CDON: variants seen among roughly 807,000 people sequenced by gnomAD.
CDON encodes the protein cell adhesion molecule-related/down-regulated by oncogenes.
Under a neutral mutation model 120.9 loss-of-function variants are expected in CDON, and 73 were observed. The observed-to-expected ratio is 0.60, with a 90% CI of 0.50 to 0.73. The LOEUF is 0.73. Among genes scored for constraint, CDON ranks in the 30% least tolerant of loss-of-function variants. CDON has a pLI of 0.00. For missense variants in CDON, 1,470 were observed against 1,587.3 expected, an observed-to-expected ratio of 0.93 and a Z score of 1.26; for synonymous variants, 566 against 573.5, an observed-to-expected ratio of 0.99 and a Z score of 0.19.
chr11:126,035,221 T>C (rs1948062649), intron 1 of CDON, among the ~76,000 whole-genome samples: 1 of 152,176 alleles, frequency 6.6e-6, no homozygotes, highest in Non-Finnish European at 1.5e-5. Flanking sequence ...TATTCAAATA[T>C]ACACAGTCAA....
intron 8 of CDON, 103 bp downstream of exon 8, chr11:126,010,238 A>G: frequency 2.4e-6 from 2 of 839,654 alleles, no homozygotes; most frequent in South Asian, 1.6e-5. Flanking sequence ...GAAAAAATAT[A>G]GAGAGATTGC....
Position 125,960,874 on chromosome 11 carries a change from T to G in CDON, c.*68A>C. On this transcript the variant is annotated 3_prime_UTR_variant, in exon 20 of 20. Transcript: ENST00000531738. ...TTTGAATTAAGGTCCTTCACACAGT[T>G]CGCTCCCAGGCCTGTTGTGTGCAGT... is the stretch of plus-strand genomic sequence containing the variant. The G allele has an allele frequency of 7.0e-7, 1 of 1,423,730 alleles. No homozygotes were observed. Among genetic ancestry groups the G allele is most frequent in the Non-Finnish European group, 9.9e-7 (1 of 1,007,850 alleles). The allele number at this position is 1,423,730 out of a possible 1,614,324, so 88.2% of individuals were successfully genotyped here.
intron 2 of CDON, among the ~76,000 whole-genome samples, chr11:126,022,101 CAAAAAAAA>C (rs56788784): frequency 2.3e-4 from 13 of 56,554 alleles, no homozygotes; most frequent in South Asian, 1.5e-3. Flanking sequence ...GACCCTGCTT[CAAAAAAAA>C]AAAAAAAAAA....
intron 8 of CDON, among the ~76,000 whole-genome samples, chr11:126,009,254 T>C (rs537472053): frequency 1.6e-4 from 25 of 152,322 alleles, no homozygotes; most frequent in African/African-American, 6.0e-4. Flanking sequence ...AGCAAGGGCG[T>C]CCTTGTTTGC....
At chr11:125,974,530 A>G (rs1439479804) in intron 18 of CDON, among the ~76,000 whole-genome samples, 2 of 152,108 alleles carry the variant, frequency 1.3e-5, no homozygotes, top group Admixed American at 6.6e-5. Flanking sequence ...AAAAATAACA[A>G]AAGATATGAT....
chr11:125,980,358 T>A (rs1946262526), intron 17 of CDON, among the ~76,000 whole-genome samples: 1 of 152,116 alleles, frequency 6.6e-6, no homozygotes, highest in Non-Finnish European at 1.5e-5. Context: ...GTAAAAAGCT[T>A]ACCAGCCACA....
intron 1 of CDON, among the ~76,000 whole-genome samples, chr11:126,050,355 T>C (rs1948524274): frequency 6.6e-6 from 1 of 152,042 alleles, no homozygotes; most frequent in South Asian, 2.1e-4. Context: ...TTCTCCAACA[T>C]GCGAAAGAGG....
rs547659025 is a variant in CDON at position 126,025,852 on chromosome 11, T to C, written c.-61-2315A>G. Among the ~76,000 whole-genome samples the C allele has an allele frequency of 1.9e-4, 29 of 152,146 alleles. 1 individual carries two copies. The highest frequency in any genetic ancestry group is 2.1e-4 in the South Asian group (1 of 4,826). ...ATACCATATATTCAAGTAGGAGAGA[T>C]AGACAATATAAAAGATAAATAAAAC... On this transcript the variant is annotated intron_variant, in intron 1 of 19. Coordinates refer to ENST00000531738, the MANE Select transcript of CDON (RefSeq NM_001378964.1).
chr11:125,969,614 C>T (rs569389801), intron 18 of CDON, among the ~76,000 whole-genome samples: 2 of 152,296 alleles, frequency 1.3e-5, no homozygotes, highest in Admixed American at 6.5e-5. Flanking sequence ...AATGAAACTA[C>T]TTTGTTTAAT....
At chr11:126,019,118 T>C (rs959293995) in intron 4 of CDON, among the ~76,000 whole-genome samples, 4 of 152,256 alleles carry the variant, frequency 2.6e-5, no homozygotes, top group South Asian at 2.1e-4. Flanking sequence ...TCATTTTTTT[T>C]CCACAAATAC....
Position 125,981,125 on chromosome 11 carries a change from C to A in CDON, c.3200G>T (p.Gly1067Val). Residue 1067 changes from glycine to valine, a missense_variant, in exon 17 of 20, where the codon GGA (glycine) becomes GTA (valine). Transcript: ENST00000531738. ...GTTGCTGTGCCCGGAGTAAAGCCCT[C>A]CATTTAGGCTCCCATTCACAATTCC... ...VNGIVNGSLN[G>V]GLYSGHSNSL... 11 of 1,614,116 alleles carry A rather than the reference C, an allele frequency of 6.8e-6. No individual in the cohort carries two copies. The highest frequency in any genetic ancestry group is 9.3e-6 in the Non-Finnish European group (11 of 1,180,002).
chr11:125,966,589 C>T (rs574111961), intron 18 of CDON, among the ~76,000 whole-genome samples: 32 of 152,170 alleles, frequency 2.1e-4, no homozygotes, highest in African/African-American at 7.2e-4. Flanking sequence ...TTTTCTAAAC[C>T]TGATGAAAGC....
rs780364961 is a variant in CDON at position 126,005,930 on chromosome 11, G to A, written c.1680C>T (p.Pro560=). The A allele has an allele frequency of 3.7e-5, 60 of 1,613,988 alleles. No homozygotes were observed. The highest frequency in any genetic ancestry group is 1.0e-4 in the Admixed American group (6 of 59,990). ...LLSSFPVKVH[P]SAVESAPEKN... ...TCTCTGGTGCTGATTCCACTGCACTGGGATGGACCTTCACCGGAAATGAGC... is the reference window on the plus strand; with the variant it reads ...TCTCTGGTGCTGATTCCACTGCACTAGGATGGACCTTCACCGGAAATGAGC... The change falls in exon 9 of 20, where the codon CCC becomes CCT. Residue 560 remains proline, a synonymous_variant. Transcript: ENST00000531738.
intron 9 of CDON, chr11:126,005,504 TAAAACATTTGAATAC>T (rs2134596885): frequency 1.9e-6 from 1 of 527,856 alleles, no homozygotes; most frequent in Admixed American, 3.2e-5. Context: ...GTTGAAGGGC[TAAAACATTTGAATAC>T]ACATGTAAAG....
At chr11:125,996,107 T>C (rs945516433) in intron 12 of CDON, among the ~76,000 whole-genome samples, 8 of 151,304 alleles carry the variant, frequency 5.3e-5, no homozygotes, top group Non-Finnish European at 1.2e-4. Flanking sequence ...CAGCATCAGA[T>C]CAAATAATTT....
rs1213449313 is a variant in CDON at position 126,029,101 on chromosome 11, T to A, written c.-61-5564A>T. ...CCCCATCACTGACATATGGTTTAGA[T>A]CCTCACACTGTGGTAAGCAAAGTGT... On this transcript the variant is annotated intron_variant, in intron 1 of 19. Coordinates refer to ENST00000531738, the MANE Select transcript of CDON (RefSeq NM_001378964.1). 2.6e-5 allele frequency among the ~76,000 whole-genome samples: 4 copies of A among 152,310 alleles called. No homozygotes were observed. In the East Asian group the frequency reaches 7.7e-4, roughly 29 times the overall value.
At position 126,034,348 on chromosome 11, in the gene CDON, T is replaced by A. The variant is rs503569; in HGVS notation, c.-61-10811A>T. On this transcript the variant is annotated intron_variant, in intron 1 of 19. Transcript: ENST00000531738. The surrounding 1 kb of genome is among the most constrained non-coding windows in gnomAD (Gnocchi z 4.5). ...AGAAATAATCAACTCCACATGAGCC[T>A]CTTCAGCTCCAACACAATGAAAAGG... Among the ~76,000 whole-genome samples, 105,744 of 151,834 alleles carry A rather than the reference T, an allele frequency of 0.7. 38,572 individuals carry two copies. The highest frequency in any genetic ancestry group is 0.92 in the African/African-American group (37,979 of 41,440).
intron 16 of CDON, among the ~76,000 whole-genome samples, chr11:125,983,326 T>C (rs1219517911): frequency 6.6e-6 from 1 of 152,198 alleles, no homozygotes; most frequent in African/African-American, 2.4e-5. Flanking sequence ...CCATCATCGA[T>C]GTTCAAGCAC....
intron 11 of CDON, among the ~76,000 whole-genome samples, chr11:125,999,620 T>G (rs1946883334): frequency 6.6e-6 from 1 of 152,182 alleles, no homozygotes; most frequent in Non-Finnish European, 1.5e-5. Context: ...CTCTTACTAC[T>G]TATCTTGGTA....
Sources: allele counts gnomAD v4.1 joint callset (sites outside exome capture counted in the v4.1 genomes callset), GRCh38; gene constraint gnomAD v4.1.1; non-coding constraint Gnocchi (gnomAD v3.1); transcripts MANE v1.5; gene names NCBI Gene and HGNC (gene_info 2026-07-23, HGNC 2026-07-21).